Variants in ANAPC1 observed in about 807,000 individuals in gnomAD.
ANAPC1 encodes the protein anaphase promoting complex subunit 1, also known as anaphase-promoting complex subunit 1.
ANAPC1 carries 36 observed loss-of-function variants against 208.0 expected under a neutral mutation model. The ratio of observed to expected loss-of-function variants is 0.17; its 90% CI spans 0.13 to 0.23. ANAPC1 has a LOEUF of 0.23. Ranked by LOEUF, ANAPC1 falls within the 10% of genes least tolerant of loss-of-function variation. The pLI is 1.00. For synonymous variants in ANAPC1, 378 were observed against 695.2 expected (o/e 0.54, Z 7.18); for missense variants, 942 against 2,011.6 (o/e 0.47, Z 10.17).
At chr2:111,791,660 C>T (rs1273253661) in intron 38 of ANAPC1, among the ~76,000 whole-genome samples, 3 of 151,864 alleles carry the variant, frequency 2.0e-5, no homozygotes, top group African/African-American at 4.8e-5. Flanking sequence ...AAGGATACAT[C>T]GTGTATAATT....
chr2:111,847,214 T>C lies in ANAPC1; in HGVS notation c.1792-16A>G. 1 of 1,601,114 alleles carries C rather than the reference T, an allele frequency of 6.2e-7. No individual in the cohort carries two copies. The highest frequency in any genetic ancestry group is 1.1e-5 in the South Asian group (1 of 89,784). On this transcript the variant is annotated splice_polypyrimidine_tract_variant and intron_variant, in intron 15 of 47. Transcript: ENST00000341068. The stretch of plus-strand genomic sequence containing the variant: ...TACTCAGTTCCTAGATGGAAACAAA[T>C]GAGAAAGTAGATAAAATCTGTGCAT...
At chr2:111,823,902 G>T (rs1443213403) in intron 24 of ANAPC1, among the ~76,000 whole-genome samples, 1 of 147,052 alleles carries the variant, frequency 6.8e-6, no homozygotes, top group Non-Finnish European at 1.5e-5. Flanking sequence ...AGGGGTGGGT[G>T]ACCAGTACAT....
intron 28 of ANAPC1, among the ~76,000 whole-genome samples, chr2:111,810,973 G>A (rs1427444136): frequency 6.6e-6 from 1 of 151,152 alleles, no homozygotes; most frequent in Non-Finnish European, 1.5e-5. Context: ...TGTATATTAA[G>A]AGCAATGGTC....
At chr2:111,876,246 A>G (rs1265897734) in intron 3 of ANAPC1, among the ~76,000 whole-genome samples, 3 of 145,272 alleles carry the variant, frequency 2.1e-5, no homozygotes, top group Admixed American at 7.2e-5. Context: ...AAAAAGAATA[A>G]ATGAAAAAAT....
At chr2:111,870,220 T>G (rs534533182) in intron 6 of ANAPC1, among the ~76,000 whole-genome samples, 1 of 152,366 alleles carries the variant, frequency 6.6e-6, no homozygotes, top group Admixed American at 6.5e-5. Context: ...TTTATTTCCT[T>G]TGGGTAGATA....
chr2:111,844,598 A>G (rs1388337829), intron 16 of ANAPC1, among the ~76,000 whole-genome samples: 1 of 151,848 alleles, frequency 6.6e-6, no homozygotes, highest in Non-Finnish European at 1.5e-5. Context: ...CACTATGAAA[A>G]ACATACAACT....
chr2:111,806,297 C>T (rs1209669983), intron 29 of ANAPC1, among the ~76,000 whole-genome samples: 2 of 57,564 alleles, frequency 3.5e-5, no homozygotes, highest in Admixed American at 2.1e-4. Flanking sequence ...TTTGGGAGGC[C>T]GAGGCAGGTG....
In ANAPC1 at chr2:111,880,682, T is replaced by C; in HGVS notation, c.144A>G (p.Leu48=). 1.2e-6 allele frequency: 2 copies of C among 1,613,648 alleles called. No individual in the cohort carries two copies. Among genetic ancestry groups the C allele is most frequent in the Non-Finnish European group, 1.7e-6 (2 of 1,179,852 alleles). Residue 48 remains leucine (L), a synonymous_variant, in exon 2 of 48, where the codon TTA becomes TTG. Coordinates refer to ENST00000341068, the MANE Select transcript of ANAPC1 (RefSeq NM_022662.4). ...QLRQLQPASE[L]WSSDGAAGLV... ...AGCCAGCAGCACCATCAGAAGACCA[T>C]AATTCAGAAGCTGGCTGCAGCTGGC...
chr2:111,866,965 C>G (rs1682459102), intron 7 of ANAPC1, among the ~76,000 whole-genome samples: 1 of 152,138 alleles, frequency 6.6e-6, no homozygotes, highest in Non-Finnish European at 1.5e-5. Context: ...ATCACATAAT[C>G]TTTGTTATTT....
In ANAPC1 at chr2:111,856,667, T is replaced by C; in HGVS notation, c.1462A>G (p.Met488Val). 1.2e-6 allele frequency: 2 copies of C among 1,613,928 alleles called. No homozygotes were observed. The highest frequency in any genetic ancestry group is 1.7e-5 in the Admixed American group (1 of 60,008). ...DAAPVEKIDT[M>V]LVLEGSGNLV... ...TTTCCACTGCCTTCCAAGACCAGCA[T>C]GGTGTCTATTTTCTAAAAAAACAAA... is the stretch of plus-strand genomic sequence containing the variant. Residue 488 changes from methionine to valine, a missense_variant, in exon 13 of 48, where the codon ATG becomes GTG. By Grantham distance (21) the Met-to-Val change is conservative. Coordinates refer to ENST00000341068, the MANE Select transcript of ANAPC1 (RefSeq NM_022662.4).
At chr2:111,792,105 C>T (rs1466516922) in intron 38 of ANAPC1, among the ~76,000 whole-genome samples, 1 of 151,968 alleles carries the variant, frequency 6.6e-6, no homozygotes, top group Non-Finnish European at 1.5e-5. Flanking sequence ...AGCAGTGATG[C>T]ACTGAAGAAC....
chr2:111,846,925 G>A (rs528067617), intron 16 of ANAPC1, among the ~76,000 whole-genome samples: 1 of 152,074 alleles, frequency 6.6e-6, no homozygotes, highest in South Asian at 2.1e-4. Flanking sequence ...GAACCTCAGG[G>A]AACAGAACTA....
At chr2:111,784,257 C>A (rs1416335949) in intron 41 of ANAPC1, 66 bp downstream of exon 41, 10 of 1,613,822 alleles carry the variant, frequency 6.2e-6, no homozygotes, top group Middle Eastern at 1.7e-4. Context: ...ATTTAGCTAT[C>A]TTTAACGCTA....
intron 44 of ANAPC1, chr2:111,779,589 C>T (rs1330097939): frequency 2.0e-5 from 3 of 152,622 alleles, no homozygotes; most frequent in Non-Finnish European, 4.4e-5. Flanking sequence ...ATAATCCCAG[C>T]ACTTTGGGAG....
At chr2:111,802,359 G>A (rs1439475220) in intron 33 of ANAPC1, 69 bp downstream of exon 33, 34 of 1,137,986 alleles carry the variant, frequency 3.0e-5, no homozygotes, top group Non-Finnish European at 4.0e-5. Context: ...CACTGTGCCC[G>A]GCTTACAAGC....
intron 14 of ANAPC1, among the ~76,000 whole-genome samples, chr2:111,848,548 G>T (rs967152365): frequency 6.6e-6 from 1 of 152,072 alleles, no homozygotes; most frequent in African/African-American, 2.4e-5. Context: ...AGGCTGAGGC[G>T]GGTGGATCAC....
chr2:111,833,322 A>G lies in ANAPC1; in HGVS notation c.2385-11T>C. The G allele has an allele frequency of 6.4e-7, 1 of 1,568,736 alleles. No individual in the cohort carries two copies. The highest frequency in any genetic ancestry group is 8.7e-7 in the Non-Finnish European group (1 of 1,148,638). On this transcript the variant is annotated splice_polypyrimidine_tract_variant and intron_variant, in intron 19 of 47. Transcript: ENST00000341068. ...CCCAATTTTAAGTCCCTAAAACAGT[A>G]AGGGCATGTAAAAAAGAAGGTATTA...
intron 6 of ANAPC1, among the ~76,000 whole-genome samples, chr2:111,870,869 G>A (rs1310068628): frequency 6.6e-6 from 1 of 152,032 alleles, no homozygotes; most frequent in Non-Finnish European, 1.5e-5. Context: ...TTTTGTATAA[G>A]GTGAGAGATA....
intron 6 of ANAPC1, among the ~76,000 whole-genome samples, chr2:111,868,485 A>T (rs982870936): frequency 1.3e-5 from 2 of 152,120 alleles, no homozygotes; most frequent in African/African-American, 4.8e-5. Flanking sequence ...TGACAAAGGA[A>T]TGCATTTTTT....
Sources: gnomAD v4.1 joint callset for allele counts (sites outside exome capture counted in the v4.1 genomes callset) on GRCh38, gnomAD v4.1.1 for gene constraint, MANE v1.5 for transcripts, NCBI Gene and HGNC (gene_info 2026-07-23, HGNC 2026-07-21) for gene names.